The following TMEM248 variants were observed in gnomAD, a reference collection of about 807,000 sequenced individuals.
TMEM248 encodes UPF0458 protein C7orf42.
Under a neutral mutation model 30.3 loss-of-function variants are expected in TMEM248, and 9 were observed. That is an observed-to-expected ratio of 0.30 (90% confidence interval 0.18 to 0.52). The LOEUF is 0.52. Ranked by LOEUF, TMEM248 falls within the 20% of genes least tolerant of loss-of-function variation. TMEM248 has a pLI of 0.97. For missense variants in TMEM248, 338 were observed against 403.3 expected, an observed-to-expected ratio of 0.84 and a Z score of 1.39; for synonymous variants, 184 against 154.4, an observed-to-expected ratio of 1.19 and a Z score of -1.42.
chr7:66,941,909 G>C lies in TMEM248; in HGVS notation c.44G>C (p.Ser15Thr). The C allele has an allele frequency of 6.2e-7, 1 of 1,614,144 alleles. No individual in the cohort carries two copies. The highest frequency in any genetic ancestry group is 8.5e-7 in the Non-Finnish European group (1 of 1,180,026). Residue 15 changes from serine to threonine, a missense_variant, in exon 2 of 7, where the codon AGC becomes ACC. By Grantham distance (58) the Ser-to-Thr change is moderately conservative. Transcript: ENST00000341567. The stretch of plus-strand genomic sequence containing the variant: ...CTGGAGAACCTGAAGGTGTACATCA[G>C]CAGTCGGCCTCCCCTGGTGGTCTTC... ...NPLENLKVYI[S>T]SRPPLVVFMI...
rs1468277535 is a variant in TMEM248, at chr7:66,944,958, T to C, written c.160-18T>C. 6.2e-6 allele frequency: 10 copies of C among 1,612,520 alleles called. No homozygotes were observed. The highest frequency in any genetic ancestry group is 7.6e-6 in the Non-Finnish European group (9 of 1,178,652). Reference sequence around the variant, plus strand: ...GCGCTGCTTAACACCCATTTCTCTTTCTTTCACTTTCCCAAAGGATTGGAA... The same window carrying C: ...GCGCTGCTTAACACCCATTTCTCTTCCTTTCACTTTCCCAAAGGATTGGAA... On this transcript the variant is annotated intron_variant, in intron 2 of 6. Coordinates refer to ENST00000341567, the MANE Select transcript of TMEM248 (RefSeq NM_017994.5).
At chr7:66,924,536 C>G (rs1294045361) in intron 1 of TMEM248, among the ~76,000 whole-genome samples, 3 of 152,146 alleles carry the variant, frequency 2.0e-5, no homozygotes, top group Admixed American at 2.0e-4. Context: ...TCTTGAGTAG[C>G]TGGGATTACA....
Position 66,952,543 on chromosome 7 carries a change from C to T in TMEM248, c.781-683C>T, listed in dbSNP as rs3778915. ...GTGTGTTGAGAAGACTGAGCTGCCCCGCTATGTTATAAATGACCTGGGGGA... is the reference window on the plus strand; with the variant it reads ...GTGTGTTGAGAAGACTGAGCTGCCCTGCTATGTTATAAATGACCTGGGGGA... On this transcript the variant is annotated intron_variant, in intron 5 of 6. Transcript: ENST00000341567. Among the ~76,000 whole-genome samples, 14 of 152,236 alleles carry T rather than the reference C, an allele frequency of 9.2e-5. No homozygotes were observed. In the East Asian group the frequency reaches 1.4e-3, roughly 15 times the overall value.
intron 1 of TMEM248, among the ~76,000 whole-genome samples, chr7:66,923,595 G>A (rs1791445264): frequency 6.6e-6 from 1 of 152,252 alleles, no homozygotes; most frequent in South Asian, 2.1e-4. Context: ...AATATTGGCA[G>A]AGGCAGCTAG....
intron 1 of TMEM248, among the ~76,000 whole-genome samples, chr7:66,927,490 A>T (rs1429142932): frequency 2.7e-5 from 4 of 150,780 alleles, no homozygotes; most frequent in African/African-American, 9.8e-5. Flanking sequence ...GCTGGAGTGC[A>T]GTGGTGTGAC....
intron 1 of TMEM248, among the ~76,000 whole-genome samples, chr7:66,940,752 T>A (rs1791925374): frequency 6.6e-6 from 1 of 152,160 alleles, no homozygotes; most frequent in African/African-American, 2.4e-5. Context: ...CCTTAGGAGC[T>A]TTTAAGCAGG....
Position 66,955,833 on chromosome 7 carries a change from C to T in TMEM248, c.*311C>T, listed in dbSNP as rs76231377. 0.018 allele frequency: 6,233 copies of T among 352,864 alleles called. 206 individuals are homozygous for T. Among genetic ancestry groups the T allele is most frequent in the East Asian group, 0.11 (2,275 of 19,972 alleles). 21.9% of individuals were successfully genotyped at this position (352,864 alleles called of 1,614,324 possible). A position where few individuals can be genotyped will look rare whatever the true frequency, so the allele number is the denominator to read the frequency against. ...AAGGATTCCTGGATCTAGCTGGTCA[C>T]GACGATGTTTTCACCAAGGTCACAG... On this transcript the variant is annotated 3_prime_UTR_variant, in exon 7 of 7. Coordinates refer to ENST00000341567, the MANE Select transcript of TMEM248 (RefSeq NM_017994.5).
chr7:66,948,528 G>T lies in TMEM248; in HGVS notation c.446-16G>T, dbSNP rs769283687. The T allele has an allele frequency of 3.7e-6, 6 of 1,608,828 alleles. No individual in the cohort carries two copies. The Admixed American group carries it at 8.5e-5, about 23-fold the overall frequency. ...GTGGTTCTTGACTTTATAAAAAAAT[G>T]ATTTCTCTTTCATAGGCAGGGAAGC... On this transcript the variant is annotated splice_polypyrimidine_tract_variant and intron_variant, in intron 3 of 6. Transcript: ENST00000341567.
At position 66,928,582 on chromosome 7, in the gene TMEM248, C is replaced by G. The variant is rs140751358; in HGVS notation, c.-19+7121C>G. Among the ~76,000 whole-genome samples the G allele has an allele frequency of 8.5e-5, 13 of 152,256 alleles. No individual in the cohort carries two copies. The East Asian group carries it at 2.5e-3, about 29-fold the overall frequency. ...ATATGTTAAGCGCTTGGCACGGTGC[C>G]TGGGAATGGCATGTTCTAAGTGGTA... On this transcript the variant is annotated intron_variant, in intron 1 of 6. Transcript: ENST00000341567.
chr7:66,926,795 A>G (rs946668749), intron 1 of TMEM248, among the ~76,000 whole-genome samples: 1 of 152,182 alleles, frequency 6.6e-6, no homozygotes, highest in African/African-American at 2.4e-5. Context: ...TAACTTTCTC[A>G]TGTACGAATC....
At chr7:66,951,907 CT>C (rs1402689709) in intron 5 of TMEM248, among the ~76,000 whole-genome samples, 3 of 152,094 alleles carry the variant, frequency 2.0e-5, no homozygotes, top group Non-Finnish European at 4.4e-5. Context: ...AGCGATCCTC[CT>C]GCCTTGGCCT....
chr7:66,934,184 A>T (rs1164510797), intron 1 of TMEM248, among the ~76,000 whole-genome samples: 4 of 150,846 alleles, frequency 2.7e-5, no homozygotes, highest in East Asian at 3.9e-4. Flanking sequence ...GCTTTCTTTT[A>T]TTATTATTAT....
chr7:66,931,792 CTTTTTT>C (rs1156882038), intron 1 of TMEM248, among the ~76,000 whole-genome samples: 4 of 88,434 alleles, frequency 4.5e-5, no homozygotes, highest in Non-Finnish European at 2.1e-5. Context: ...GGCCTTCCTC[CTTTTTT>C]TTTTTTTTTT....
At chr7:66,949,166 A>T (rs1006228688) in intron 4 of TMEM248, among the ~76,000 whole-genome samples, 5 of 151,432 alleles carry the variant, frequency 3.3e-5, no homozygotes, top group African/African-American at 1.2e-4. Flanking sequence ...AGAAAGAAAA[A>T]GAAAAAAGAA....
In TMEM248 at chr7:66,958,061, T is replaced by G. The variant is rs747158351; in HGVS notation, c.*2539T>G. ...GTCACCATCTGGGCACTTCCCAGGCTCAATGCTCAGCCAGAGTTTGCTGGT... is the reference window on the plus strand; with the variant it reads ...GTCACCATCTGGGCACTTCCCAGGCGCAATGCTCAGCCAGAGTTTGCTGGT... On this transcript the variant is annotated 3_prime_UTR_variant, in exon 7 of 7. Transcript: ENST00000341567. 46 of 152,774 alleles carry G rather than the reference T, an allele frequency of 3.0e-4. No homozygotes were observed. The highest frequency in any genetic ancestry group is 6.0e-4 in the Non-Finnish European group (41 of 68,098). The allele number at this position is 152,774 out of a possible 1,614,324, so 9.5% of individuals were successfully genotyped here.
rs779422275 is a variant in TMEM248 at position 66,941,940 on chromosome 7, C to T, written c.75C>T (p.Ile25=). Reference sequence around the variant, plus strand: ...GGCCTCCCCTGGTGGTCTTCATGATCAGCGTAAGCGCCATGGCCATAGCTT... The same window carrying T: ...GGCCTCCCCTGGTGGTCTTCATGATTAGCGTAAGCGCCATGGCCATAGCTT... The part of the protein sequence containing the change: ...SSRPPLVVFM[I]SVSAMAIAFL... The change falls in exon 2 of 7, where the codon ATC becomes ATT. Residue 25 remains isoleucine (I), a synonymous_variant. Transcript: ENST00000341567. The T allele has an allele frequency of 6.2e-7, 1 of 1,614,142 alleles. No homozygotes were observed. The highest frequency in any genetic ancestry group is 8.5e-7 in the Non-Finnish European group (1 of 1,180,028).
intron 4 of TMEM248, among the ~76,000 whole-genome samples, chr7:66,950,605 A>G (rs890351393): frequency 6.6e-6 from 1 of 152,190 alleles, no homozygotes; most frequent in Non-Finnish European, 1.5e-5. Flanking sequence ...AAGGACTAAT[A>G]TACTAAGAGT....
chr7:66,926,639 CAAA>C (rs200106499), intron 1 of TMEM248, among the ~76,000 whole-genome samples: 11 of 86,592 alleles, frequency 1.3e-4, no homozygotes, highest in Non-Finnish European at 2.0e-4. Context: ...CCATCTGAAA[CAAA>C]AAAAAAAAAA....
intron 6 of TMEM248, 114 bp downstream of exon 6, chr7:66,953,483 A>G (rs1291638053): frequency 2.2e-6 from 3 of 1,382,948 alleles, no homozygotes; most frequent in Admixed American, 4.4e-5. Context: ...TAAAGAAATG[A>G]CAGTCATCCC....
Sources: gnomAD v4.1 joint callset for allele counts (sites outside exome capture counted in the v4.1 genomes callset) on GRCh38, gnomAD v4.1.1 for gene constraint, MANE v1.5 for transcripts, NCBI Gene and HGNC (gene_info 2026-07-23, HGNC 2026-07-21) for gene names.